Variants in ITM2B observed in about 807,000 individuals in gnomAD.
ITM2B encodes the protein ABri/ADan amyloid peptide.
ITM2B carries 11 observed loss-of-function variants against 27.8 expected under a neutral mutation model. The ratio of observed to expected loss-of-function variants is 0.40; its 90% CI spans 0.25 to 0.66. ITM2B has a LOEUF of 0.66. ITM2B is among the 30% of genes least tolerant of loss of function. The pLI, the probability that ITM2B is intolerant of heterozygous loss-of-function variation, is 0.43. For missense variants in ITM2B, 296 were observed against 328.9 expected (o/e 0.90, Z 0.77); for synonymous variants, 114 against 114.3 (o/e 1.00, Z 0.02).
chr13:48,249,338 A>T (rs1026831543), intron 1 of ITM2B, among the ~76,000 whole-genome samples: 1 of 152,008 alleles, frequency 6.6e-6, no homozygotes, highest in African/African-American at 2.4e-5. Context: ...TTTTATTGCT[A>T]TCTATTTCAT....
At chr13:48,234,069 G>A (rs1338429722) in intron 1 of ITM2B, among the ~76,000 whole-genome samples, 1 of 152,120 alleles carries the variant, frequency 6.6e-6, no homozygotes, top group East Asian at 1.9e-4. Context: ...CAGTCCGCCC[G>A]AAGTAGGTTT....
At position 48,254,041 on chromosome 13, in the gene ITM2B, T is replaced by C. The variant is rs1375627334; in HGVS notation, c.246+105T>C. 8.3e-6 allele frequency: 9 copies of C among 1,081,934 alleles called. No individual in the cohort carries two copies. In the South Asian group the frequency reaches 1.0e-4, roughly 13 times the overall value. 67.0% of individuals were successfully genotyped at this position (1,081,934 alleles called of 1,614,324 possible). A position where few individuals can be genotyped will look rare whatever the true frequency, so the allele number is the denominator to read the frequency against. ...ACTTGCGCTAAGCTTGTACTTTTTA[T>C]CTGTGACCTTCAGCCAGAGTGGTAG... On this transcript the variant is annotated intron_variant, in intron 2 of 5. Transcript: ENST00000647800.
At position 48,257,476 on chromosome 13, in the gene ITM2B, A is replaced by G. The variant is rs9332289; in HGVS notation, c.454-650A>G. Among the ~76,000 whole-genome samples the G allele has an allele frequency of 8.8e-3, 1,343 of 152,334 alleles. 20 individuals carry two copies. The highest frequency in any genetic ancestry group is 0.031 in the African/African-American group (1,281 of 41,586). On this transcript the variant is annotated intron_variant, in intron 3 of 5. Coordinates refer to ENST00000647800, the MANE Select transcript of ITM2B (RefSeq NM_021999.5). The stretch of plus-strand genomic sequence containing the variant: ...AATATATTACTGAAGTTAGCTTTGC[A>G]AACATTTCGTGCCTGATAAATACAT...
At chr13:48,258,398 CTTGAAA>C (rs553160607) in intron 4 of ITM2B, among the ~76,000 whole-genome samples, 162 bp downstream of exon 4, 1 of 152,128 alleles carries the variant, frequency 6.6e-6, no homozygotes, top group Non-Finnish European at 1.5e-5. Flanking sequence ...TGTTTTATAT[CTTGAAA>C]TTGAAATAAA....
intron 1 of ITM2B, among the ~76,000 whole-genome samples, chr13:48,243,118 T>G (rs1951708757): frequency 6.6e-6 from 1 of 151,980 alleles, no homozygotes; most frequent in Admixed American, 6.5e-5. Flanking sequence ...GACAGGATGG[T>G]CTAGAAAGAT....
At chr13:48,248,385 C>T (rs998133330) in intron 1 of ITM2B, among the ~76,000 whole-genome samples, 1 of 152,032 alleles carries the variant, frequency 6.6e-6, no homozygotes, top group African/African-American at 2.4e-5. Flanking sequence ...GTCCTCCTGC[C>T]TCTGCCTCCC....
At chr13:48,237,225 T>G (rs1202634788) in intron 1 of ITM2B, among the ~76,000 whole-genome samples, 1 of 152,232 alleles carries the variant, frequency 6.6e-6, no homozygotes, top group African/African-American at 2.4e-5. Context: ...TTGGTTCTCT[T>G]TAACCAAAGT....
In ITM2B at chr13:48,268,397, G is replaced by C. The variant is rs944043514; in HGVS notation, c.*7173G>C. ...GGCTCACTGCAATTTCTGTCTCCCA[G>C]GCTCAAGCCATCCTCTAACCTCAGC... On this transcript the variant is annotated 3_prime_UTR_variant, in exon 6 of 6. Transcript: ENST00000647800. 2 of 151,688 alleles carry C rather than the reference G, an allele frequency of 1.3e-5. No individual in the cohort carries two copies. The highest frequency in any genetic ancestry group is 2.9e-5 in the Non-Finnish European group (2 of 67,952). The allele number at this position is 151,688 out of a possible 1,614,324, so 9.4% of individuals were successfully genotyped here.
In ITM2B at chr13:48,263,556, A is replaced by G. The variant is rs1010124589; in HGVS notation, c.*2332A>G. 1.3e-5 allele frequency: 2 copies of G among 152,166 alleles called. No homozygotes were observed. The highest frequency in any genetic ancestry group is 4.1e-4 in the South Asian group (2 of 4,822). The allele number at this position is 152,166 out of a possible 1,614,324, so 9.4% of individuals were successfully genotyped here. ...CAGTGGGTTCCAGGGAGACTCAGCT[A>G]TCCTTCCCTCTTCTTGAGTTCTGTC... On this transcript the variant is annotated 3_prime_UTR_variant, in exon 6 of 6. Coordinates refer to ENST00000647800, the MANE Select transcript of ITM2B (RefSeq NM_021999.5).
chr13:48,256,508 T>C, intron 3 of ITM2B, 125 bp downstream of exon 3: 1 of 777,130 alleles, frequency 1.3e-6, no homozygotes, highest in Non-Finnish European at 2.1e-6. Context: ...TGTCAGCATT[T>C]GGTGGGCTCT....
At chr13:48,250,062 A>G (rs1951745480) in intron 1 of ITM2B, among the ~76,000 whole-genome samples, 1 of 152,214 alleles carries the variant, frequency 6.6e-6, no homozygotes, top group African/African-American at 2.4e-5. Flanking sequence ...ATCATACGTG[A>G]TGTTAATTCT....
chr13:48,258,053 T>G (rs996038393), intron 3 of ITM2B, 73 bp from the exon 4 acceptor site: 19 of 781,126 alleles, frequency 2.4e-5, no homozygotes, highest in African/African-American at 5.1e-5. Context: ...TGATACAAAT[T>G]ATTCTTAAAA....
chr13:48,250,535 G>T (rs1951749698), intron 1 of ITM2B, among the ~76,000 whole-genome samples: 1 of 151,742 alleles, frequency 6.6e-6, no homozygotes, highest in African/African-American at 2.4e-5. Context: ...GAAGAATGGT[G>T]TGAACCCAGG....
At chr13:48,254,087 T>TA (rs1951771888) in intron 2 of ITM2B, 151 bp downstream of exon 2, 1 of 746,350 alleles carries the variant, frequency 1.3e-6, no homozygotes, top group Non-Finnish European at 2.3e-6. Context: ...AAGCTGTGTT[T>TA]AAACATCTCT....
chr13:48,233,571 G>A, intron 1 of ITM2B, 94 bp downstream of exon 1: 1 of 724,798 alleles, frequency 1.4e-6, no homozygotes, highest in Non-Finnish European at 2.1e-6. Flanking sequence ...GGTGGCGGGC[G>A]CGGGGCTCGC....
intron 1 of ITM2B, among the ~76,000 whole-genome samples, chr13:48,245,693 T>A (rs2137984547): frequency 6.6e-6 from 1 of 152,252 alleles, no homozygotes; most frequent in South Asian, 2.1e-4. Flanking sequence ...TTTTTCATTC[T>A]ATATTACTGC....
At chr13:48,254,896 A>T (rs1247593495) in intron 2 of ITM2B, 1 of 151,460 alleles carries the variant, frequency 6.6e-6, no homozygotes, top group Non-Finnish European at 1.5e-5. Flanking sequence ...TTTTCTTGAG[A>T]CAGAGTTTCT....
At chr13:48,256,076 A>G (rs1334303584) in intron 2 of ITM2B, 101 bp from the exon 3 acceptor site, 20 of 836,210 alleles carry the variant, frequency 2.4e-5, no homozygotes, top group Non-Finnish European at 3.9e-5. Flanking sequence ...AAGAGTTTGC[A>G]AGCAAAATGC....
chr13:48,267,591 A>T lies in ITM2B; in HGVS notation c.*6367A>T, dbSNP rs1040104869. ...ATTATTCTCTTGACTTTTGTTGAGG[A>T]TTGATAGAAATAAAAATGAGCCAGA... is the stretch of plus-strand genomic sequence containing the variant. On this transcript the variant is annotated 3_prime_UTR_variant, in exon 6 of 6. Transcript: ENST00000647800. 9.8e-5 allele frequency: 15 copies of T among 152,326 alleles called. No individual in the cohort carries two copies. Among genetic ancestry groups the T allele is most frequent in the African/African-American group, 3.6e-4 (15 of 41,574 alleles). The allele number at this position is 152,326 out of a possible 1,614,324, so 9.4% of individuals were successfully genotyped here.
Sources: gnomAD v4.1 joint callset for allele counts (sites outside exome capture counted in the v4.1 genomes callset) on GRCh38, gnomAD v4.1.1 for gene constraint, MANE v1.5 for transcripts, NCBI Gene and HGNC (gene_info 2026-07-23, HGNC 2026-07-21) for gene names.